The following PLXND1 variants were observed in gnomAD, a reference collection of about 807,000 sequenced individuals.
PLXND1 encodes the protein plexin-D1.
PLXND1 carries 54 observed loss-of-function variants against 197.7 expected under a neutral mutation model. The ratio of observed to expected loss-of-function variants is 0.27; its 90% CI spans 0.22 to 0.34. The LOEUF is 0.34. PLXND1 is among the 10% of genes least tolerant of loss of function. The pLI, the probability that PLXND1 is intolerant of heterozygous loss-of-function variation, is 1.00. For synonymous variants in PLXND1, 1,180 were observed against 1,161.2 expected (o/e 1.02, Z -0.33); for missense variants, 2,127 against 2,699.2 (o/e 0.79, Z 4.70).
chr3:129,561,210 G>A (rs2085054150), intron 29 of PLXND1, among the ~76,000 whole-genome samples: 1 of 152,206 alleles, frequency 6.6e-6, no homozygotes, highest in African/African-American at 2.4e-5. Context: ...GAGAGACTGA[G>A]ACTCTGCTCT....
At chr3:129,586,911 C>G (rs1252209067) in intron 2 of PLXND1, among the ~76,000 whole-genome samples, 192 bp from the exon 3 acceptor site, 1 of 152,170 alleles carries the variant, frequency 6.6e-6, no homozygotes, top group East Asian at 1.9e-4. Context: ...CTGCTGTGCC[C>G]CCACCAGGAG....
rs1052883 is a variant in PLXND1 at position 129,555,812 on chromosome 3, C to T, written c.*500G>A. The stretch of plus-strand genomic sequence containing the variant: ...AACTGTCTGTGGCCAGGATCCTCTA[C>T]GGGTGAGGGGGAAGTGGAGATAACA... On this transcript the variant is annotated 3_prime_UTR_variant, in exon 36 of 36. Coordinates refer to ENST00000324093, the MANE Select transcript of PLXND1 (RefSeq NM_015103.3). 61,903 of 400,946 alleles carry T rather than the reference C, an allele frequency of 0.15. 5,566 individuals are homozygous for T. Among genetic ancestry groups the T allele is most frequent in the African/African-American group, 0.27 (12,934 of 47,634 alleles). The allele number at this position is 400,946 out of a possible 1,614,324, so 24.8% of individuals were successfully genotyped here. A position where few individuals can be genotyped will look rare whatever the true frequency, so the allele number is the denominator to read the frequency against.
At position 129,563,178 on chromosome 3, in the gene PLXND1, G is replaced by T. The variant is rs147042239; in HGVS notation, c.4584C>A (p.Gly1528=). Residue 1528 remains glycine (G), a synonymous_variant, in exon 26 of 36, where the codon GGC becomes GGA. Coordinates refer to ENST00000324093, the MANE Select transcript of PLXND1 (RefSeq NM_015103.3). The part of the protein sequence containing the change: ...LCAIKQQINK[G]SIDAITGKAR... ...CCTTGCCTGTGATGGCGTCGATGGA[G>T]CCCTTGTTGATTTGCTGCTTGATGG... The T allele has an allele frequency of 1.2e-6, 2 of 1,612,222 alleles. No homozygotes were observed. Among genetic ancestry groups the T allele is most frequent in the African/African-American group, 2.7e-5 (2 of 74,860 alleles).
At chr3:129,570,118 T>C (rs2085202650) in intron 19 of PLXND1, among the ~76,000 whole-genome samples, 161 bp from the exon 20 acceptor site, 1 of 152,092 alleles carries the variant, frequency 6.6e-6, no homozygotes, top group Non-Finnish European at 1.5e-5. Context: ...CTGGGGACAC[T>C]GGGAAGGCTA....
chr3:129,604,199 C>T (rs1021135453), intron 1 of PLXND1, among the ~76,000 whole-genome samples: 3 of 152,182 alleles, frequency 2.0e-5, no homozygotes, highest in African/African-American at 7.2e-5. Flanking sequence ...CCTCATTCCC[C>T]ACTGAGCCCC....
At chr3:129,568,363 T>C (rs1360656943) in intron 20 of PLXND1, among the ~76,000 whole-genome samples, 1 of 152,166 alleles carries the variant, frequency 6.6e-6, no homozygotes, top group Non-Finnish European at 1.5e-5. Flanking sequence ...GAAAAGAGAC[T>C]GGGAGGGAAG....
intron 3 of PLXND1, 58 bp from the exon 4 acceptor site, chr3:129,586,330 G>A (rs1204723809): frequency 1.2e-5 from 16 of 1,347,544 alleles, no homozygotes; most frequent in East Asian, 2.5e-5. Context: ...CCTTGGGGAG[G>A]TGGTACGGTC....
In PLXND1 at chr3:129,605,704, G is replaced by C; in HGVS notation, c.936C>G (p.Ser312Arg). ...TGCGCGCCAGCAGGCTCCGCGCCTGGCTCTCCTTGTCGCCCGCGCGCGCCT... is the reference window on the plus strand; with the variant it reads ...TGCGCGCCAGCAGGCTCCGCGCCTGCCTCTCCTTGTCGCCCGCGCGCGCCT... ...NSEARAGDKE[S>R]QARSLLARIC... Residue 312 changes from serine (S) to arginine (R), a missense_variant, in exon 1 of 36, where the codon AGC (serine) becomes AGG (arginine). Ser to Arg is a moderately radical substitution (Grantham distance 110, BLOSUM62 -1). Around this residue, in one of 6 missense-constraint regions of PLXND1, gnomAD observed 1,095 missense variants for 1,259.8 expected, o/e 0.87. Coordinates refer to ENST00000324093, the MANE Select transcript of PLXND1 (RefSeq NM_015103.3). The C allele has an allele frequency of 6.5e-7, 1 of 1,539,814 alleles. No individual in the cohort carries two copies. Among genetic ancestry groups the C allele is most frequent in the Non-Finnish European group, 8.7e-7 (1 of 1,144,908 alleles).
chr3:129,561,772 GA>G (rs771537889), intron 28 of PLXND1, 27 bp downstream of exon 28: 2 of 913,130 alleles, frequency 2.2e-6, no homozygotes, highest in Non-Finnish European at 3.2e-6. Flanking sequence ...TGAGGGTGGG[GA>G]AATGGGGGCG....
intron 25 of PLXND1, among the ~76,000 whole-genome samples, chr3:129,563,614 A>C (rs1490668454): frequency 6.6e-6 from 1 of 152,186 alleles, no homozygotes; most frequent in African/African-American, 2.4e-5. Context: ...GTGACTTTCT[A>C]CTAAGTGGGG....
intron 1 of PLXND1, among the ~76,000 whole-genome samples, chr3:129,597,345 C>G (rs974646939): frequency 1.1e-4 from 17 of 152,160 alleles, no homozygotes; most frequent in African/African-American, 2.4e-5. Flanking sequence ...AAACTGAGGC[C>G]CATCAAGGTG....
intron 8 of PLXND1, among the ~76,000 whole-genome samples, chr3:129,579,256 G>A (rs868713120): frequency 1.3e-5 from 2 of 152,152 alleles, no homozygotes; most frequent in East Asian, 3.9e-4. Context: ...GCCTGAGGGC[G>A]GAGGACAGGG....
intron 1 of PLXND1, among the ~76,000 whole-genome samples, chr3:129,600,741 C>G (rs572770366): frequency 2.8e-4 from 43 of 151,906 alleles, no homozygotes; most frequent in African/African-American, 9.7e-4. Flanking sequence ...GGAGATCACT[C>G]CCAGCCCCCA....
At chr3:129,565,145 G>C (rs574200863) in intron 25 of PLXND1, among the ~76,000 whole-genome samples, 195 bp downstream of exon 25, 1 of 152,376 alleles carries the variant, frequency 6.6e-6, no homozygotes, top group Non-Finnish European at 1.5e-5. Context: ...CAGCAAGCCA[G>C]CCAGGCTTCC....
chr3:129,573,835 C>G (rs2085272501), intron 12 of PLXND1, 90 bp from the exon 13 acceptor site: 1 of 1,403,732 alleles, frequency 7.1e-7, no homozygotes, highest in East Asian at 2.4e-5. Context: ...CAGCAGGGCA[C>G]AGCCGTGCAG....
At chr3:129,560,480 C>T (rs368803328) in intron 30 of PLXND1, 46 bp from the exon 31 acceptor site, 97 of 1,361,194 alleles carry the variant, frequency 7.1e-5, no homozygotes, top group African/African-American at 3.4e-4. Flanking sequence ...GCCCCATCCT[C>T]GGCCGCCTGT....
chr3:129,572,514 G>A, intron 15 of PLXND1, 95 bp downstream of exon 15: 1 of 1,120,652 alleles, frequency 8.9e-7, no homozygotes, highest in South Asian at 1.9e-5. Context: ...AGACCCAAGA[G>A]AGGCTTGGCT....
intron 31 of PLXND1, 55 bp from the exon 32 acceptor site, chr3:129,559,838 T>C (rs1433300709): frequency 6.9e-7 from 1 of 1,441,656 alleles, no homozygotes; most frequent in Non-Finnish European, 9.3e-7. Context: ...AGAGGGCTAG[T>C]GGGCACCCTT....
At position 129,575,794 on chromosome 3, in the gene PLXND1, T is replaced by C; in HGVS notation, c.2408A>G (p.Glu803Gly). ...EEIFEAVWVN[E>G]SVVRCDQVVL... Reference sequence around the variant, plus strand: ...CACCTGGTCACAGCGTACAACAGACTCATTCACCCACACAGCCTCGAAGAT... The same window carrying C: ...CACCTGGTCACAGCGTACAACAGACCCATTCACCCACACAGCCTCGAAGAT... Residue 803 changes from glutamate (E) to glycine (G), a missense_variant, in exon 10 of 36, where the codon GAG becomes GGG. By Grantham distance (98) the Glu-to-Gly change is moderately conservative. Around this residue, in one of 6 missense-constraint regions of PLXND1, gnomAD observed 1,095 missense variants for 1,259.8 expected, o/e 0.87. Transcript: ENST00000324093. The C allele has an allele frequency of 6.2e-7, 1 of 1,613,456 alleles. No homozygotes were observed. Among genetic ancestry groups the C allele is most frequent in the Non-Finnish European group, 8.5e-7 (1 of 1,179,466 alleles).
Sources: allele counts gnomAD v4.1 joint callset (sites outside exome capture counted in the v4.1 genomes callset), GRCh38; gene constraint gnomAD v4.1.1; regional missense constraint gnomAD v4.1.1; transcripts MANE v1.5; gene names NCBI Gene and HGNC (gene_info 2026-07-23, HGNC 2026-07-21).